Variants in MBOAT2 observed in about 807,000 individuals in gnomAD.
MBOAT2 encodes the protein membrane-bound glycerophospholipid O-acyltransferase 2.
A neutral mutation model predicts 63.4 loss-of-function variants in MBOAT2; 28 were observed. The ratio of observed to expected loss-of-function variants is 0.44; its 90% confidence interval spans 0.33 to 0.61. The LOEUF is 0.61. MBOAT2 is among the 20% of genes least tolerant of loss of function. MBOAT2 has a pLI of 0.03. For missense variants in MBOAT2, 470 were observed against 605.8 expected, an observed-to-expected ratio of 0.78 and a Z score of 2.35; for synonymous variants, 211 against 215.6, an observed-to-expected ratio of 0.98 and a Z score of 0.19.
rs558508229 is a variant in MBOAT2 at position 8,870,865 on chromosome 2, C to A, written c.883+2243G>T. On this transcript the variant is annotated intron_variant, in intron 8 of 12. Coordinates refer to ENST00000305997, the MANE Select transcript of MBOAT2 (RefSeq NM_138799.4). ...GAATCAGGGAAAAGGAATTAACTCA[C>A]CTTTGGTTTGTAAATATGTAAAAAT... 2.6e-5 allele frequency among the ~76,000 whole-genome samples: 4 copies of A among 152,264 alleles called. No individual in the cohort carries two copies. The South Asian group carries it at 8.3e-4, about 32-fold the overall frequency.
chr2:8,908,448 A>G, intron 4 of MBOAT2, 173 bp downstream of exon 4: 1 of 525,492 alleles, frequency 1.9e-6, no homozygotes, highest in East Asian at 3.2e-5. Context: ...TGACTTAGAT[A>G]GTACTAAAAA....
rs143941584 is a variant in MBOAT2 at position 8,916,944 on chromosome 2, G to C, written c.300-8228C>G. ...CGGTAACCAAGACAGTATGACACTG[G>C]CCTAAGGTCAGACACATAGATCAAT... On this transcript the variant is annotated intron_variant, in intron 3 of 12. Coordinates refer to ENST00000305997, the MANE Select transcript of MBOAT2 (RefSeq NM_138799.4). 5.6e-4 allele frequency among the ~76,000 whole-genome samples: 85 copies of C among 152,234 alleles called. No individual in the cohort carries two copies. The East Asian group carries it at 0.016, about 28-fold the overall frequency.
chr2:8,992,334 G>C (rs889813707), intron 1 of MBOAT2, among the ~76,000 whole-genome samples: 1 of 152,082 alleles, frequency 6.6e-6, no homozygotes, highest in Non-Finnish European at 1.5e-5. Flanking sequence ...TGAAGGTCTC[G>C]CTACATTGCC....
Position 9,003,419 on chromosome 2 carries a change from A to C in MBOAT2, c.75+121T>G. Reference sequence around the variant, plus strand: ...CCCTCCCTTCCAGGGAGCGGCGGGTAGGGGGGCACCGGGCGCCCGGCCCCA... The same window carrying C: ...CCCTCCCTTCCAGGGAGCGGCGGGTCGGGGGGCACCGGGCGCCCGGCCCCA... On this transcript the variant is annotated intron_variant, in intron 1 of 12. Coordinates refer to ENST00000305997, the MANE Select transcript of MBOAT2 (RefSeq NM_138799.4). This position sits in a 1 kb window ranked among gnomAD's most constrained non-coding sequence, Gnocchi z 5.4. 5.7e-5 allele frequency: 23 copies of C among 401,730 alleles called. No homozygotes were observed. Among genetic ancestry groups the C allele is most frequent in the East Asian group, 1.3e-4 (2 of 14,928 alleles). The allele number at this position is 401,730 out of a possible 1,614,324, so 24.9% of individuals were successfully genotyped here.
chr2:8,929,068 T>C (rs1411554363), intron 3 of MBOAT2, among the ~76,000 whole-genome samples: 2 of 152,106 alleles, frequency 1.3e-5, no homozygotes, highest in Non-Finnish European at 1.5e-5. Context: ...GGTGGGAAAT[T>C]TTCTACTTAT....
At chr2:8,880,554 G>A (rs574115964) in intron 6 of MBOAT2, among the ~76,000 whole-genome samples, 2 of 152,330 alleles carry the variant, frequency 1.3e-5, no homozygotes, top group African/African-American at 2.4e-5. Context: ...TGGATTGGGC[G>A]GGAATATAAA....
intron 7 of MBOAT2, 99 bp from the exon 8 acceptor site, chr2:8,873,399 G>T: frequency 8.4e-7 from 1 of 1,192,886 alleles, no homozygotes; most frequent in Non-Finnish European, 1.2e-6. Flanking sequence ...TGGATCATCA[G>T]TCCTACAACT....
At chr2:8,874,699 C>G (rs1662578270) in intron 7 of MBOAT2, among the ~76,000 whole-genome samples, 1 of 152,116 alleles carries the variant, frequency 6.6e-6, no homozygotes, top group Admixed American at 6.6e-5. Context: ...AATCCTTCAC[C>G]CAAAAAACCA....
At chr2:8,943,144 C>A in intron 3 of MBOAT2, 43 bp downstream of exon 3, 2 of 1,146,884 alleles carry the variant, frequency 1.7e-6, no homozygotes, top group South Asian at 3.6e-5. Flanking sequence ...CAGTTCTATT[C>A]AAGTGAAATA....
chr2:9,003,034 C>G lies in MBOAT2; in HGVS notation c.75+506G>C, dbSNP rs138195175. ...TCTCCGGGCCCCTAGCACCCATCGACGCCGTCTCTAAGGCACCCAGCACAC... is the reference window on the plus strand; with the variant it reads ...TCTCCGGGCCCCTAGCACCCATCGAGGCCGTCTCTAAGGCACCCAGCACAC... On this transcript the variant is annotated intron_variant, in intron 1 of 12. Transcript: ENST00000305997. The surrounding 1 kb of genome is among the most constrained non-coding windows in gnomAD (Gnocchi z 5.4). Among the ~76,000 whole-genome samples, 38 of 152,330 alleles carry G rather than the reference C, an allele frequency of 2.5e-4. No individual in the cohort carries two copies. The East Asian group carries it at 5.4e-3, about 22-fold the overall frequency.
chr2:8,882,208 T>A, intron 6 of MBOAT2, among the ~76,000 whole-genome samples: 1 of 152,208 alleles, frequency 6.6e-6, no homozygotes, highest in East Asian at 1.9e-4. Context: ...ATGAAGACAA[T>A]ACTATCCTCC....
At chr2:8,900,780 C>A (rs913271470) in intron 4 of MBOAT2, among the ~76,000 whole-genome samples, 1 of 152,086 alleles carries the variant, frequency 6.6e-6, no homozygotes, top group Non-Finnish European at 1.5e-5. Context: ...TAAGGTATTT[C>A]ACTCCATTTG....
chr2:8,994,795 A>G (rs62119996), intron 1 of MBOAT2, among the ~76,000 whole-genome samples: 6,344 of 152,354 alleles, frequency 0.042, 148 homozygotes, highest in Non-Finnish European at 0.057. Flanking sequence ...TCAAGGAGGC[A>G]TAGGCTTTAG....
chr2:8,961,503 T>C (rs1001783481), intron 1 of MBOAT2, among the ~76,000 whole-genome samples: 1 of 151,950 alleles, frequency 6.6e-6, no homozygotes, highest in Non-Finnish European at 1.5e-5. Context: ...AGAGCACACA[T>C]GCACAGGGCC....
intron 1 of MBOAT2, among the ~76,000 whole-genome samples, chr2:8,997,743 T>C (rs1573289042): frequency 6.6e-6 from 1 of 152,154 alleles, no homozygotes; most frequent in African/African-American, 2.4e-5. Context: ...ATTTTACAGA[T>C]AAGGAAACCA....
At chr2:8,966,485 A>G (rs1669993662) in intron 1 of MBOAT2, among the ~76,000 whole-genome samples, 1 of 152,178 alleles carries the variant, frequency 6.6e-6, no homozygotes, top group Admixed American at 6.5e-5. Flanking sequence ...TTTATTCCCC[A>G]GTCTGAAATG....
At chr2:8,938,407 C>G (rs1328270731) in intron 3 of MBOAT2, among the ~76,000 whole-genome samples, 1 of 152,156 alleles carries the variant, frequency 6.6e-6, no homozygotes, top group South Asian at 2.1e-4. Context: ...CACACTCACA[C>G]CTCACCACCC....
Position 8,912,359 on chromosome 2 carries a change from AAGAAAGAAAGAAAG to A in MBOAT2, c.300-3657_300-3644del, listed in dbSNP as rs1246092956. On this transcript the variant is annotated intron_variant, in intron 3 of 12. Coordinates refer to ENST00000305997, the MANE Select transcript of MBOAT2 (RefSeq NM_138799.4). ...AGAAAGAAAGAAAGAAAGAGAAAGA[AAGAAAGAAAGAAAG>A]AGAAAGAAAGAAAGAAAGAAAGAAA... Among the ~76,000 whole-genome samples the A allele has an allele frequency of 6.6e-5, 7 of 105,384 alleles. No homozygotes were observed. In the East Asian group the frequency reaches 1.0e-3, roughly 16 times the overall value. The allele number at this position is 105,384 out of a possible 152,430, so 69.1% of individuals were successfully genotyped here.
intron 6 of MBOAT2, 99 bp downstream of exon 6, chr2:8,882,412 G>C (rs1663206176): frequency 1.7e-6 from 2 of 1,153,130 alleles, no homozygotes; most frequent in Admixed American, 1.9e-5. Context: ...TCAGAAGTAA[G>C]TACCTCTAGA....
Sources: allele counts gnomAD v4.1 joint callset (sites outside exome capture counted in the v4.1 genomes callset), GRCh38; gene constraint gnomAD v4.1.1; non-coding constraint Gnocchi (gnomAD v3.1); transcripts MANE v1.5; gene names NCBI Gene and HGNC (gene_info 2026-07-23, HGNC 2026-07-21).